The following EP300 variants were observed in gnomAD, a reference collection of about 807,000 sequenced individuals.
EP300 encodes the protein histone acetyltransferase p300.
A neutral mutation model predicts 264.0 loss-of-function variants in EP300; 31 were observed. That is an observed-to-expected ratio of 0.12 (90% CI 0.09 to 0.16). EP300 has a LOEUF of 0.16. Ranked by LOEUF, EP300 falls within the 10% of genes least tolerant of loss-of-function variation. The pLI is 1.00. For missense variants in EP300, 2,766 were observed against 3,052.9 expected (o/e 0.91, Z 2.21); for synonymous variants, 1,340 against 1,045.4 (o/e 1.28, Z -5.44).
At chr22:41,137,504 G>A (rs748536125) in intron 7 of EP300, 149 bp from the exon 8 acceptor site, 80 of 1,013,748 alleles carry the variant, frequency 7.9e-5, no homozygotes, top group Admixed American at 2.9e-4. Flanking sequence ...AATCAGTCTA[G>A]TCACACACTT....
At chr22:41,140,598 G>C (rs1331156751) in intron 9 of EP300, among the ~76,000 whole-genome samples, 3 of 152,102 alleles carry the variant, frequency 2.0e-5, no homozygotes, top group Admixed American at 6.6e-5. Context: ...CTTGAGCCTA[G>C]GAGTTGGAGA....
chr22:41,117,099 C>A, intron 1 of EP300, 88 bp from the exon 2 acceptor site: 1 of 1,136,460 alleles, frequency 8.8e-7, no homozygotes, highest in Non-Finnish European at 1.3e-6. Flanking sequence ...TGGGAAATGA[C>A]ATTTAATGCT....
intron 12 of EP300, 81 bp downstream of exon 12, chr22:41,148,027 TCA>T: frequency 1.0e-5 from 10 of 972,322 alleles, no homozygotes; most frequent in Non-Finnish European, 1.6e-5. Flanking sequence ...TTATAAATTC[TCA>T]CAGTCATTTA....
intron 17 of EP300, among the ~76,000 whole-genome samples, chr22:41,155,693 G>C (rs2145745559): frequency 6.6e-6 from 1 of 152,246 alleles, no homozygotes; most frequent in Non-Finnish European, 1.5e-5. Flanking sequence ...GGATTTGTCT[G>C]TTCTACATGT....
chr22:41,142,997 C>A (rs2058991684), intron 10 of EP300, among the ~76,000 whole-genome samples: 1 of 152,122 alleles, frequency 6.6e-6, no homozygotes, highest in South Asian at 2.1e-4. Flanking sequence ...AAATTGTATT[C>A]TAATGTCAGT....
chr22:41,164,088 A>G lies in EP300; in HGVS notation c.3764A>G (p.His1255Arg). 6.2e-7 allele frequency: 1 copy of G among 1,614,168 alleles called. No homozygotes were observed. The change falls in exon 22 of 31, where the codon CAT (histidine) becomes CGT (arginine). Residue 1255 changes from histidine (H) to arginine (R), a missense_variant. Transcript: ENST00000263253. The part of the protein sequence containing the change: ...VECTECGRKM[H>R]QICVLHHEII... ...TGTACAGAGTGCGGAAGAAAGATGCATCAGATCTGTGTCCTTCACCATGAG... is the reference window on the plus strand; with the variant it reads ...TGTACAGAGTGCGGAAGAAAGATGCGTCAGATCTGTGTCCTTCACCATGAG...
intron 2 of EP300, among the ~76,000 whole-genome samples, chr22:41,119,883 T>G (rs1601599995): frequency 6.6e-6 from 1 of 152,160 alleles, no homozygotes; most frequent in South Asian, 2.1e-4. Flanking sequence ...GGCGTGATCT[T>G]GGATCACTGC....
At chr22:41,124,101 A>G (rs2058867520) in intron 2 of EP300, among the ~76,000 whole-genome samples, 1 of 152,244 alleles carries the variant, frequency 6.6e-6, no homozygotes, top group South Asian at 2.1e-4. Flanking sequence ...TAAAAAAATT[A>G]GCTGAGTATG....
At position 41,179,912 on chromosome 22, in the gene EP300, ACACACACACACT is replaced by A. The variant is rs879467699; in HGVS notation, c.*957_*968del. On this transcript the variant is annotated 3_prime_UTR_variant, in exon 31 of 31. Coordinates refer to ENST00000263253, the MANE Select transcript of EP300 (RefSeq NM_001429.4). ...CACACACACACACACACACACACAC[ACACACACACACT>A]TTCTATAAAACTTGAAAATAGCAAA... 3.4e-5 allele frequency: 5 copies of A among 148,042 alleles called. No individual in the cohort carries two copies. The highest frequency in any genetic ancestry group is 5.5e-5 in the Non-Finnish European group (4 of 73,320). The allele number at this position is 148,042 out of a possible 1,614,324, so 9.2% of individuals were successfully genotyped here.
At chr22:41,137,075 A>G (rs370345799) in intron 7 of EP300, among the ~76,000 whole-genome samples, 5 of 148,322 alleles carry the variant, frequency 3.4e-5, no homozygotes, top group African/African-American at 7.4e-5. Flanking sequence ...GGAAAAAAAA[A>G]TGGCTGGGCT....
At chr22:41,148,510 C>T (rs916004908) in intron 12 of EP300, among the ~76,000 whole-genome samples, 3 of 152,126 alleles carry the variant, frequency 2.0e-5, no homozygotes, top group African/African-American at 7.2e-5. Context: ...GCCTTTGGTA[C>T]TCGAGATTTC....
chr22:41,147,473 C>T (rs1440291882), intron 11 of EP300, among the ~76,000 whole-genome samples: 1 of 152,092 alleles, frequency 6.6e-6, no homozygotes, highest in Non-Finnish European at 1.5e-5. Context: ...TGCGGTGGCT[C>T]ACGCCTGTAA....
chr22:41,147,913 T>C lies in EP300; in HGVS notation c.2208T>C (p.His736=). 6.2e-7 allele frequency: 1 copy of C among 1,613,288 alleles called. No homozygotes were observed. Among genetic ancestry groups the C allele is most frequent in the Non-Finnish European group, 8.5e-7 (1 of 1,179,604 alleles). The change falls in exon 12 of 31, where the codon CAT becomes CAC. Residue 736 remains histidine, a synonymous_variant. Coordinates refer to ENST00000263253, the MANE Select transcript of EP300 (RefSeq NM_001429.4). Reference sequence around the variant, plus strand: ...GGCAAACCCCTCCTCTTCAGCACCATGGACAGTTGGCTCAACCTGGAGCTC... The same window carrying C: ...GGCAAACCCCTCCTCTTCAGCACCACGGACAGTTGGCTCAACCTGGAGCTC... ...VPRQTPPLQH[H]GQLAQPGALN...
Position 41,176,803 on chromosome 22 carries a change from A to G in EP300, c.5092A>G (p.Thr1698Ala), listed in dbSNP as rs549834848. Residue 1698 changes from threonine to alanine, a missense_variant, in exon 31 of 31, where the codon ACT becomes GCT. Thr to Ala is a moderately conservative substitution (Grantham distance 58, BLOSUM62 0). Coordinates refer to ENST00000263253, the MANE Select transcript of EP300 (RefSeq NM_001429.4). ...TGACTTGTGTATCACCTGCTATAAC[A>G]CTAAAAACCATGACCACAAAATGGA... ...DYDLCITCYNTKNHDHKMEKL... is the reference protein window; with the variant it reads ...DYDLCITCYNAKNHDHKMEKL... 7 of 1,614,092 alleles carry G rather than the reference A, an allele frequency of 4.3e-6. No individual in the cohort carries two copies. In the African/African-American group the frequency reaches 6.7e-5, roughly 15 times the overall value.
At chr22:41,097,507 A>G (rs928938077) in intron 1 of EP300, among the ~76,000 whole-genome samples, 4 of 152,242 alleles carry the variant, frequency 2.6e-5, no homozygotes, top group African/African-American at 9.6e-5. Context: ...TTGTAGGGAC[A>G]TTAAGTGGTA....
chr22:41,147,748 A>G, intron 11 of EP300, 89 bp from the exon 12 acceptor site: 1 of 1,027,594 alleles, frequency 9.7e-7, no homozygotes, highest in Admixed American at 1.8e-5. Flanking sequence ...AAAAAAAAAA[A>G]AAGATACAGA....
At chr22:41,096,613 T>C (rs1172321567) in intron 1 of EP300, among the ~76,000 whole-genome samples, 3 of 85,962 alleles carry the variant, frequency 3.5e-5, no homozygotes, top group Non-Finnish European at 6.4e-5. Context: ...TCAGCTCTAC[T>C]TTTTTTTTTT....
intron 21 of EP300, 32 bp from the exon 22 acceptor site, chr22:41,164,021 G>T (rs762409014): frequency 3.7e-6 from 6 of 1,603,004 alleles, no homozygotes; most frequent in South Asian, 2.2e-5. Context: ...TAAGGTTTGG[G>T]GTTAATTTTG....
In EP300 at chr22:41,178,152, GCAGCAACCA is replaced by G; in HGVS notation, c.6447_6455del (p.Pro2150_Gln2152del). 10 of 1,614,040 alleles carry G rather than the reference GCAGCAACCA, an allele frequency of 6.2e-6. No homozygotes were observed. The highest frequency in any genetic ancestry group is 7.6e-6 in the Non-Finnish European group (9 of 1,179,958). On this transcript the variant is annotated inframe_deletion, in exon 31 of 31. Transcript: ENST00000263253. ...GCGTTCAGAGGGCTGGCCTGCCCCA[GCAGCAACCA>G]CAGCAGCAACTCCAGCCACCCATGG...
Sources: allele counts gnomAD v4.1 joint callset (sites outside exome capture counted in the v4.1 genomes callset), GRCh38; gene constraint gnomAD v4.1.1; transcripts MANE v1.5; gene names NCBI Gene and HGNC (gene_info 2026-07-23, HGNC 2026-07-21).